Variants in USP36 observed in about 807,000 individuals in gnomAD.
The protein encoded by USP36 is ubiquitin specific peptidase 36, also known as ubiquitin carboxyl-terminal hydrolase 36.
USP36 carries 59 observed loss-of-function variants against 111.5 expected under a neutral mutation model. The observed-to-expected ratio is 0.53, with a 90% CI of 0.43 to 0.66. The LOEUF (loss-of-function observed/expected upper bound fraction) is 0.66. Among genes scored for constraint, USP36 ranks in the 30% least tolerant of loss-of-function variants. USP36 has a pLI of 0.00. For synonymous variants in USP36, 628 were observed against 581.0 expected (o/e 1.08, Z -1.16); for missense variants, 1,488 against 1,468.0 (o/e 1.01, Z -0.22).
rs148947886 is a variant in USP36 at position 78,812,896 on chromosome 17, G to A, written c.1371C>T (p.Ile457=). ...GTGGGGAGGAAATAATCCCATTGCC[G>A]ATGTTCTTCTTGGAGTGATCTGGAA... ...SVIPDHSKKN[I]GNGIISSPLT... The change falls in exon 13 of 21, where the codon ATC becomes ATT. Residue 457 remains isoleucine, a synonymous_variant. Coordinates refer to ENST00000449938, the MANE Select transcript of USP36 (RefSeq NM_001385174.1). 1,364 of 1,613,712 alleles carry A rather than the reference G, an allele frequency of 8.5e-4. 19 individuals are homozygous for A. The South Asian group carries it at 0.012, about 14-fold the overall frequency.
At chr17:78,800,298 G>A (rs2093708739) in intron 17 of USP36, among the ~76,000 whole-genome samples, 1 of 152,160 alleles carries the variant, frequency 6.6e-6, no homozygotes, top group South Asian at 2.1e-4. Context: ...GGGGTGGAGG[G>A]AACGGCCAAG....
chr17:78,818,877 A>G, intron 9 of USP36, 99 bp from the exon 10 acceptor site: 14 of 1,199,638 alleles, frequency 1.2e-5, no homozygotes, highest in Non-Finnish European at 1.7e-5. Context: ...ACTGCTCTGT[A>G]ATAGTGGAAT....
chr17:78,820,943 T>C (rs764287211), intron 8 of USP36, 48 bp downstream of exon 8: 31 of 1,568,972 alleles, frequency 2.0e-5, no homozygotes, highest in South Asian at 1.2e-5. Context: ...TTTCACCCTC[T>C]GGCCTCGCTC....
Position 78,803,890 on chromosome 17 carries a change from G to A in USP36, c.2305C>T (p.Pro769Ser). The A allele has an allele frequency of 2.5e-6, 4 of 1,611,820 alleles. No homozygotes were observed. The highest frequency in any genetic ancestry group is 2.5e-6 in the Non-Finnish European group (3 of 1,179,800). Reference protein sequence around the residue: ...PTLLSSTPKPPGTSEPRSCSS... With the variant: ...PTLLSSTPKPSGTSEPRSCSS... ...CAGCTCCGTGGTTCTGACGTCCCTG[G>A]GGGCTTGGGGGTACTGGACAGCAAT... The change falls in exon 16 of 21, where the codon CCA becomes TCA. Residue 769 changes from proline to serine, a missense_variant. Physicochemically the swap from Pro to Ser is moderately conservative, Grantham distance 74. Around this residue, in one of 3 missense-constraint regions of USP36, gnomAD observed 1,073 missense variants for 994.1 expected, o/e 1.08. Transcript: ENST00000449938. The surrounding 1 kb of genome is among the most constrained non-coding windows in gnomAD (Gnocchi z 4.6).
Position 78,822,587 on chromosome 17 carries a change from T to C in USP36, c.690-583A>G, listed in dbSNP as rs535073546. Among the ~76,000 whole-genome samples the C allele has an allele frequency of 9.2e-5, 14 of 152,318 alleles. No individual in the cohort carries two copies. The East Asian group carries it at 2.1e-3, about 23-fold the overall frequency. ...GGGTCAGGAGCCCTGCCCTCATTCA[T>C]GTCCCCCGCACCGCTCACTAACTGG... is the stretch of plus-strand genomic sequence containing the variant. On this transcript the variant is annotated intron_variant, in intron 6 of 20. Coordinates refer to ENST00000449938, the MANE Select transcript of USP36 (RefSeq NM_001385174.1).
In USP36 at chr17:78,827,265, G is replaced by A; in HGVS notation, c.669C>T (p.Ala223=). The A allele has an allele frequency of 1.2e-6, 2 of 1,613,874 alleles. No individual in the cohort carries two copies. Among genetic ancestry groups the A allele is most frequent in the Non-Finnish European group, 1.7e-6 (2 of 1,180,030 alleles). ...CGCACTTGGCACAGCCATTCAGGCA[G>A]GCTTTCTGCATGGCGTCGATGGTGT... ...LRYTIDAMQK[A]CLNGCAKLDR... is the part of the protein sequence containing the mutation. Residue 223 remains alanine, a synonymous_variant, in exon 6 of 21, where the codon GCC becomes GCT. Transcript: ENST00000449938.
At chr17:78,820,836 G>A (rs62075627) in intron 8 of USP36, among the ~76,000 whole-genome samples, 155 bp downstream of exon 8, 13 of 152,130 alleles carry the variant, frequency 8.5e-5, no homozygotes, top group Non-Finnish European at 1.6e-4. Flanking sequence ...GAAAAAAACA[G>A]GTAAAGACAA....
At chr17:78,825,661 T>TC in intron 6 of USP36, among the ~76,000 whole-genome samples, 1 of 152,258 alleles carries the variant, frequency 6.6e-6, no homozygotes, top group Middle Eastern at 3.4e-3. Flanking sequence ...CCCATCCTAC[T>TC]CCTCACGAAT....
chr17:78,812,782 G>A, intron 13 of USP36, 78 bp downstream of exon 13: 4 of 1,539,810 alleles, frequency 2.6e-6, no homozygotes, highest in Non-Finnish European at 3.5e-6. Flanking sequence ...TTCCACTGTG[G>A]CCAACTTCCC....
chr17:78,807,768 TCTGGA>T (rs1379488110), intron 13 of USP36, 132 bp from the exon 14 acceptor site: 1 of 932,976 alleles, frequency 1.1e-6, no homozygotes, highest in Non-Finnish European at 1.5e-6. Context: ...AAATTATTTA[TCTGGA>T]CTCTTGGTAA....
At chr17:78,815,586 T>C (rs948844992) in intron 10 of USP36, among the ~76,000 whole-genome samples, 5 of 152,172 alleles carry the variant, frequency 3.3e-5, no homozygotes, top group Non-Finnish European at 5.9e-5. Flanking sequence ...GGGTTTTAGA[T>C]CTTCAGAAAT....
chr17:78,810,476 C>T (rs2094021976), intron 13 of USP36, among the ~76,000 whole-genome samples: 1 of 152,092 alleles, frequency 6.6e-6, no homozygotes, highest in Admixed American at 6.6e-5. Context: ...TTAGTAGAGA[C>T]AGGGTTTTGC....
intron 15 of USP36, 94 bp downstream of exon 15, chr17:78,806,062 G>T (rs907262829): frequency 5.6e-6 from 9 of 1,594,030 alleles, no homozygotes; most frequent in African/African-American, 1.4e-5. Flanking sequence ...TCTGTCCTGT[G>T]AGGTTGGCGA....
intron 17 of USP36, among the ~76,000 whole-genome samples, chr17:78,800,712 C>T (rs1165192936): frequency 2.0e-5 from 3 of 152,206 alleles, no homozygotes; most frequent in Non-Finnish European, 2.9e-5. Context: ...TTTAGCCACT[C>T]TCCTCAGGTG....
Position 78,798,843 on chromosome 17 carries a change from C to G in USP36, c.3240+65G>C. On this transcript the variant is annotated intron_variant, in intron 19 of 20. Transcript: ENST00000449938. The surrounding 1 kb of genome is among the most constrained non-coding windows in gnomAD (Gnocchi z 5.1). ...GCCACTGCCGCCACCTCCAACTGCCCCGGCTCTGAGCTGAGCCACGCCGCC... is the reference window on the plus strand; with the variant it reads ...GCCACTGCCGCCACCTCCAACTGCCGCGGCTCTGAGCTGAGCCACGCCGCC... 1 of 1,579,840 alleles carries G rather than the reference C, an allele frequency of 6.3e-7. No homozygotes were observed. Among genetic ancestry groups the G allele is most frequent in the Non-Finnish European group, 8.7e-7 (1 of 1,152,548 alleles).
rs1334150786 is a variant in USP36, at chr17:78,807,061, C to G, written c.1983G>C (p.Lys661Asn). The G allele has an allele frequency of 6.2e-7, 1 of 1,614,098 alleles. No individual in the cohort carries two copies. Among genetic ancestry groups the G allele is most frequent in the African/African-American group, 1.3e-5 (1 of 74,928 alleles). ...GGACAGGGGACTTCAGCTTCACCGT[C>G]TTAGAATCTGCTCCACTTGGCGGCG... ...SKTPPSGADS[K>N]TVKLKSPVLS... Residue 661 changes from lysine to asparagine, a missense_variant, in exon 14 of 21, where the codon AAG becomes AAC. By Grantham distance (94) the Lys-to-Asn change is moderately conservative (BLOSUM62 0). Around this residue, in one of 3 missense-constraint regions of USP36, gnomAD observed 1,073 missense variants for 994.1 expected, o/e 1.08. Transcript: ENST00000449938.
chr17:78,833,465 A>G (rs987634592), intron 4 of USP36, among the ~76,000 whole-genome samples: 1 of 151,962 alleles, frequency 6.6e-6, no homozygotes, highest in Non-Finnish European at 1.5e-5. Flanking sequence ...TCACTTCTAT[A>G]GCACTCCCTC....
rs2094283372 is a variant in USP36, at chr17:78,820,103, G to A, written c.829-91C>T. ...AAATTTAAGGTCTTTTTTAGGCTGA[G>A]GCAGCAAATCACAGAACTTAGACTC... On this transcript the variant is annotated intron_variant, in intron 8 of 20. Transcript: ENST00000449938. 9.5e-6 allele frequency: 13 copies of A among 1,371,580 alleles called. No individual in the cohort carries two copies. In the South Asian group the frequency reaches 1.5e-4, roughly 15 times the overall value. 85.0% of individuals were successfully genotyped at this position (1,371,580 alleles called of 1,614,324 possible). A position where few individuals can be genotyped will look rare whatever the true frequency, so the allele number is the denominator to read the frequency against.
intron 3 of USP36, 97 bp downstream of exon 3, chr17:78,836,014 T>G: frequency 6.6e-7 from 1 of 1,519,866 alleles, no homozygotes; most frequent in Non-Finnish European, 8.9e-7. Context: ...TTTGACCACA[T>G]TCTCTTGTTT....
Sources: gnomAD v4.1 joint callset for allele counts (sites outside exome capture counted in the v4.1 genomes callset) on GRCh38, gnomAD v4.1.1 for gene constraint, gnomAD v4.1.1 regional missense constraint, Gnocchi (gnomAD v3.1) non-coding constraint, MANE v1.5 for transcripts, NCBI Gene and HGNC (gene_info 2026-07-23, HGNC 2026-07-21) for gene names.